TRPC6: variants seen among roughly 807,000 people sequenced by gnomAD.
TRPC6 encodes the protein transient receptor potential cation channel subfamily C member 6.
TRPC6 carries 55 observed loss-of-function variants against 90.7 expected under a neutral mutation model. The ratio of observed to expected loss-of-function variants is 0.61; its 90% CI spans 0.49 to 0.76. The LOEUF (loss-of-function observed/expected upper bound fraction) is 0.76. Ranked by LOEUF, TRPC6 falls within the 30% of genes least tolerant of loss-of-function variation. The pLI is 0.00. For synonymous variants in TRPC6, 393 were observed against 393.0 expected (o/e 1.00, Z 0.00); for missense variants, 989 against 1,122.7 (o/e 0.88, Z 1.70).
chr11:101,491,933 T>C lies in TRPC6; in HGVS notation c.946-195A>G, dbSNP rs564661832. The stretch of plus-strand genomic sequence containing the variant: ...TTGGCTCACTGCAAGATCCGCCTCC[T>C]GGGTTCACGCCATTCTCCTGCCTCA... On this transcript the variant is annotated intron_variant, in intron 2 of 12. Coordinates refer to ENST00000344327, the MANE Select transcript of TRPC6 (RefSeq NM_004621.6). Among the ~76,000 whole-genome samples the C allele has an allele frequency of 6.2e-5, 9 of 145,034 alleles. No individual in the cohort carries two copies. In the East Asian group the frequency reaches 1.5e-3, roughly 24 times the overall value.
At chr11:101,548,474 A>ATCTCTCTC (rs1266907141) in intron 1 of TRPC6, among the ~76,000 whole-genome samples, 1 of 67,268 alleles carries the variant, frequency 1.5e-5, no homozygotes, top group Admixed American at 1.8e-4. Context: ...ATATATATAT[A>ATCTCTCTC]TATCTCTCTC....
intron 5 of TRPC6, among the ~76,000 whole-genome samples, chr11:101,479,231 A>C (rs1358992973): frequency 6.6e-6 from 1 of 152,198 alleles, no homozygotes; most frequent in Non-Finnish European, 1.5e-5. Context: ...CCATTGGGTA[A>C]TTACTGCCTG....
chr11:101,531,880 G>A (rs894337824), intron 1 of TRPC6, among the ~76,000 whole-genome samples: 4 of 152,128 alleles, frequency 2.6e-5, no homozygotes, highest in Non-Finnish European at 2.9e-5. Flanking sequence ...TTGTAGAACC[G>A]CCCTAAGCAT....
chr11:101,531,784 T>G (rs982475888), intron 1 of TRPC6, among the ~76,000 whole-genome samples: 1 of 152,220 alleles, frequency 6.6e-6, no homozygotes, highest in African/African-American at 2.4e-5. Context: ...TACATTTTTT[T>G]GTATCTTCTA....
intron 1 of TRPC6, among the ~76,000 whole-genome samples, chr11:101,507,937 C>T (rs1373299999): frequency 1.3e-5 from 2 of 151,782 alleles, no homozygotes; most frequent in African/African-American, 2.4e-5. Context: ...CTGTAATTGT[C>T]CTTTAATTTT....
intron 5 of TRPC6, among the ~76,000 whole-genome samples, chr11:101,480,700 A>G (rs1201786896): frequency 6.6e-6 from 1 of 152,174 alleles, no homozygotes; most frequent in Non-Finnish European, 1.5e-5. Context: ...AAGTTGAATA[A>G]TAATTGTAAT....
At chr11:101,542,225 G>A (rs541298153) in intron 1 of TRPC6, among the ~76,000 whole-genome samples, 10 of 152,224 alleles carry the variant, frequency 6.6e-5, no homozygotes, top group Admixed American at 2.0e-4. Flanking sequence ...AGGTCTGTTG[G>A]GCACCTGCCT....
chr11:101,458,895 T>C (rs1220234159), intron 10 of TRPC6, among the ~76,000 whole-genome samples: 1 of 152,140 alleles, frequency 6.6e-6, no homozygotes, highest in Non-Finnish European at 1.5e-5. Flanking sequence ...ATCTTAGATA[T>C]AGATGTTATG....
chr11:101,565,636 T>C (rs1464883953), intron 1 of TRPC6, among the ~76,000 whole-genome samples: 2 of 152,092 alleles, frequency 1.3e-5, no homozygotes, highest in African/African-American at 2.4e-5. Context: ...TTATCAAGCA[T>C]ATCATATAGA....
chr11:101,455,271 T>G, intron 10 of TRPC6, 170 bp from the exon 11 acceptor site: 2 of 599,516 alleles, frequency 3.3e-6, no homozygotes, highest in Non-Finnish European at 2.9e-6. Flanking sequence ...TCAGTGACAT[T>G]TTAGGTGTGT....
At chr11:101,484,855 A>C (rs1407663212) in intron 4 of TRPC6, among the ~76,000 whole-genome samples, 1 of 152,064 alleles carries the variant, frequency 6.6e-6, no homozygotes, top group East Asian at 1.9e-4. Flanking sequence ...ACACTTTTAA[A>C]TTGACATATA....
chr11:101,533,079 T>G (rs1008503335), intron 1 of TRPC6, among the ~76,000 whole-genome samples: 4 of 152,070 alleles, frequency 2.6e-5, no homozygotes, highest in African/African-American at 9.7e-5. Context: ...GGATTGAGAA[T>G]ATAGAAAATG....
At chr11:101,560,221 T>C (rs1861683306) in intron 1 of TRPC6, among the ~76,000 whole-genome samples, 1 of 152,160 alleles carries the variant, frequency 6.6e-6, no homozygotes, top group Non-Finnish European at 1.5e-5. Context: ...GAGCCCGTTA[T>C]ATACTTCTTT....
At chr11:101,492,941 A>C (rs935471026) in intron 2 of TRPC6, among the ~76,000 whole-genome samples, 1 of 152,222 alleles carries the variant, frequency 6.6e-6, no homozygotes, top group Non-Finnish European at 1.5e-5. Context: ...TTAATGAAAC[A>C]CTGTTGTAGT....
intron 1 of TRPC6, among the ~76,000 whole-genome samples, chr11:101,517,232 T>C (rs1591104570): frequency 2.0e-5 from 3 of 152,224 alleles, no homozygotes; most frequent in Non-Finnish European, 4.4e-5. Flanking sequence ...TCAGTCAAAC[T>C]AGTGAAGCCA....
At chr11:101,571,852 C>G (rs570533060) in intron 1 of TRPC6, among the ~76,000 whole-genome samples, 1 of 152,164 alleles carries the variant, frequency 6.6e-6, no homozygotes, top group Non-Finnish European at 1.5e-5. Context: ...TTCCTTACAC[C>G]TTCTACAAAA....
At chr11:101,476,222 A>G in intron 6 of TRPC6, 79 bp downstream of exon 6, 1 of 1,163,484 alleles carries the variant, frequency 8.6e-7, no homozygotes, top group Non-Finnish European at 1.3e-6. Context: ...AGAATTGTGC[A>G]GTAACCGAAC....
At chr11:101,473,878 T>C in intron 6 of TRPC6, 105 bp from the exon 7 acceptor site, 1 of 1,527,880 alleles carries the variant, frequency 6.5e-7, no homozygotes, top group Non-Finnish European at 9.0e-7. Flanking sequence ...AATCCGGTTT[T>C]CGAATGGAAG....
chr11:101,544,721 G>T (rs956340180), intron 1 of TRPC6, among the ~76,000 whole-genome samples: 1 of 151,988 alleles, frequency 6.6e-6, no homozygotes, highest in Non-Finnish European at 1.5e-5. Context: ...CACACACTGG[G>T]GCCTGTTGGG....
Sources: allele counts gnomAD v4.1 joint callset (sites outside exome capture counted in the v4.1 genomes callset), GRCh38; gene constraint gnomAD v4.1.1; transcripts MANE v1.5; gene names NCBI Gene and HGNC (gene_info 2026-07-23, HGNC 2026-07-21).